MAD1L1: variants seen among roughly 807,000 people sequenced by gnomAD.
The protein encoded by MAD1L1 is mitotic arrest deficient 1 like 1.
MAD1L1 carries 95 observed loss-of-function variants against 96.9 expected under a neutral mutation model. The ratio of observed to expected loss-of-function variants is 0.98; its 90% CI spans 0.83 to 1.16. The LOEUF (loss-of-function observed/expected upper bound fraction) is 1.16, where lower values mean the gene tolerates loss of function less well. MAD1L1 is among the 50% of genes most tolerant of loss of function. The probability of loss-of-function intolerance (pLI) is 0.00; values close to 1 mark genes in which losing one functional copy is unlikely to be tolerated. For synonymous variants in MAD1L1, 473 were observed against 396.6 expected (o/e 1.19, Z -2.29); for missense variants, 1,007 against 954.4 (o/e 1.06, Z -0.73).
At chr7:1,946,634 G>C (rs995289792) in intron 16 of MAD1L1, among the ~76,000 whole-genome samples, 2 of 152,258 alleles carry the variant, frequency 1.3e-5, no homozygotes, top group Non-Finnish European at 2.9e-5. Context: ...TACCCAGCGC[G>C]GTTAAGCGGA....
At chr7:2,225,274 G>C in intron 4 of MAD1L1, 136 bp downstream of exon 4, 1 of 199,970 alleles carries the variant, frequency 5.0e-6, no homozygotes, top group African/African-American at 4.6e-5. Context: ...GATTTCTTAA[G>C]ACCTGGCAGG....
chr7:1,921,181 G>A lies in MAD1L1; in HGVS notation c.1807+15506C>T, dbSNP rs189292813. ...AGACGTGGTATCGGTGAGGGAGGCG[G>A]CCCTGAGGCGCCCTTCCCTGCTCAG... On this transcript the variant is annotated intron_variant, in intron 17 of 18. Transcript: ENST00000265854. Among the ~76,000 whole-genome samples, 565 of 152,352 alleles carry A rather than the reference G, an allele frequency of 3.7e-3. 2 individuals are homozygous for A. Among genetic ancestry groups the A allele is most frequent in the Middle Eastern group, 0.024 (7 of 294 alleles).
At chr7:1,828,885 G>T (rs1451611376) in intron 18 of MAD1L1, among the ~76,000 whole-genome samples, 1 of 151,984 alleles carries the variant, frequency 6.6e-6, no homozygotes. Flanking sequence ...ACATAAAAGG[G>T]ACAAAAAAGA....
At chr7:1,966,838 C>T (rs566081975) in intron 15 of MAD1L1, among the ~76,000 whole-genome samples, 61 of 152,308 alleles carry the variant, frequency 4.0e-4, no homozygotes, top group Admixed American at 2.0e-3. Flanking sequence ...GGCCGCGCTG[C>T]GTGCGCAGGG....
rs1429664057 is a variant in MAD1L1 at position 2,146,929 on chromosome 7, A to G, written c.1073+2223T>C. Among the ~76,000 whole-genome samples, 1 of 152,054 alleles carries G rather than the reference A, an allele frequency of 6.6e-6. No individual in the cohort carries two copies. Among genetic ancestry groups the G allele is most frequent in the Non-Finnish European group, 1.5e-5 (1 of 68,014 alleles). On this transcript the variant is annotated intron_variant, in intron 11 of 18. Coordinates refer to ENST00000265854, the MANE Select transcript of MAD1L1 (RefSeq NM_001013836.2). The surrounding 1 kb of genome is among the most constrained non-coding windows in gnomAD (Gnocchi z 6.2). ...AGGCCAGAACGCAAGCACCAAGGCC[A>G]CGACGGGACTCATCCACACCTCATT...
chr7:2,014,527 A>C lies in MAD1L1; in HGVS notation c.1334T>G (p.Val445Gly), dbSNP rs765079538. Residue 445 changes from valine (V) to glycine (G), a missense_variant, in exon 13 of 19, where the codon GTG (valine) becomes GGG (glycine). Physicochemically the swap from Val to Gly is moderately radical, Grantham distance 109. Transcript: ENST00000265854. Reference sequence around the variant, plus strand: ...CTCCATCTCGGCGCTGTGGCTGTGCACCTTCTGCACCATATCCTCAGCCTC... The same window carrying C: ...CTCCATCTCGGCGCTGTGGCTGTGCCCCTTCTGCACCATATCCTCAGCCTC... ...MREAEDMVQK[V>G]HSHSAEMEAQ... 6.2e-7 allele frequency: 1 copy of C among 1,603,522 alleles called. No individual in the cohort carries two copies. Among genetic ancestry groups the C allele is most frequent in the South Asian group, 1.1e-5 (1 of 90,124 alleles).
At chr7:2,216,381 T>G in intron 7 of MAD1L1, 94 bp from the exon 8 acceptor site, 2 of 1,310,300 alleles carry the variant, frequency 1.5e-6, no homozygotes, top group Non-Finnish European at 2.1e-6. Flanking sequence ...AGGAAGCCGG[T>G]CTGCAACGGC....
At chr7:1,931,677 G>C (rs1789489560) in intron 17 of MAD1L1, among the ~76,000 whole-genome samples, 1 of 136,468 alleles carries the variant, frequency 7.3e-6, no homozygotes, top group African/African-American at 2.8e-5. Context: ...CCCTCCTCCT[G>C]GTCCCCTTTC....
chr7:1,977,367 C>A (rs1486927849), intron 15 of MAD1L1, among the ~76,000 whole-genome samples: 5 of 152,242 alleles, frequency 3.3e-5, no homozygotes, highest in African/African-American at 1.2e-4. Flanking sequence ...GGTGCTAAGC[C>A]CCTCACTGCC....
intron 18 of MAD1L1, among the ~76,000 whole-genome samples, chr7:1,896,852 T>C (rs4721171): frequency 0.058 from 8,844 of 152,340 alleles, 595 homozygotes; most frequent in African/African-American, 0.16. Context: ...TAACTGTTCA[T>C]GGTACACCTT....
intron 15 of MAD1L1, among the ~76,000 whole-genome samples, chr7:1,971,574 A>G (rs1288901008): frequency 1.3e-5 from 2 of 152,208 alleles, no homozygotes; most frequent in East Asian, 3.8e-4. Flanking sequence ...AAAAATCATC[A>G]AAGACTTCAG....
chr7:1,845,400 G>C (rs888214005), intron 18 of MAD1L1: 2 of 152,302 alleles, frequency 1.3e-5, no homozygotes, highest in African/African-American at 4.8e-5. Context: ...CAGCAGCTCG[G>C]AAACAAGCAG....
intron 12 of MAD1L1, among the ~76,000 whole-genome samples, chr7:2,043,252 G>C (rs1309474871): frequency 6.6e-6 from 1 of 152,154 alleles, no homozygotes; most frequent in African/African-American, 2.4e-5. Flanking sequence ...CCCATCGGAG[G>C]GGCACAGGGT....
chr7:1,917,110 C>T (rs914566982), intron 17 of MAD1L1, among the ~76,000 whole-genome samples: 6 of 152,218 alleles, frequency 3.9e-5, no homozygotes, highest in African/African-American at 1.4e-4. Flanking sequence ...CTGGACCAGG[C>T]ACCCAGTTCC....
At position 2,062,070 on chromosome 7, in the gene MAD1L1, G is replaced by A. The variant is rs375425436; in HGVS notation, c.1218+7124C>T. On this transcript the variant is annotated intron_variant, in intron 12 of 18. Transcript: ENST00000265854. ...AGCCTGGCCAACATGGTGAAACCCC[G>A]TCTCTACAAAAATACAAAAAAATTA... Among the ~76,000 whole-genome samples the A allele has an allele frequency of 9.9e-5, 15 of 151,760 alleles. No individual in the cohort carries two copies. The East Asian group carries it at 1.9e-3, about 20-fold the overall frequency.
intron 12 of MAD1L1, among the ~76,000 whole-genome samples, chr7:2,026,000 C>T (rs1032686712): frequency 5.9e-5 from 9 of 152,038 alleles, no homozygotes; most frequent in African/African-American, 2.2e-4. Flanking sequence ...TTAATTACAT[C>T]AGTTACAATT....
chr7:2,098,297 G>GCAAA (rs939334137), intron 11 of MAD1L1, among the ~76,000 whole-genome samples: 35 of 152,332 alleles, frequency 2.3e-4, no homozygotes, highest in African/African-American at 6.5e-4. Flanking sequence ...AAGGCGCATG[G>GCAAA]CAAACACCCT....
chr7:2,127,465 G>A (rs540340601), intron 11 of MAD1L1, among the ~76,000 whole-genome samples: 3 of 152,316 alleles, frequency 2.0e-5, no homozygotes, highest in Non-Finnish European at 4.4e-5. Flanking sequence ...AAGCTGCTTC[G>A]TGCTGTGCCA....
chr7:1,948,843 G>T (rs1026480117), intron 16 of MAD1L1, among the ~76,000 whole-genome samples: 1 of 152,182 alleles, frequency 6.6e-6, no homozygotes, highest in Non-Finnish European at 1.5e-5. Context: ...TGGTGAGGAG[G>T]AGATGGTCCT....
Sources: allele counts gnomAD v4.1 joint callset (sites outside exome capture counted in the v4.1 genomes callset), GRCh38; gene constraint gnomAD v4.1.1; non-coding constraint Gnocchi (gnomAD v3.1); transcripts MANE v1.5; gene names NCBI Gene and HGNC (gene_info 2026-07-23, HGNC 2026-07-21).